ZNF512: variants seen among roughly 807,000 people sequenced by gnomAD.
ZNF512 encodes zinc finger protein 512.
In ZNF512, 25 loss-of-function variants were observed where a neutral mutation model predicts 77.5. The observed-to-expected ratio is 0.32, with a 90% CI of 0.23 to 0.45. The LOEUF (loss-of-function observed/expected upper bound fraction) is 0.45, where lower values mean the gene tolerates loss of function less well. Among genes scored for constraint, ZNF512 ranks in the 20% least tolerant of loss-of-function variants. The probability of loss-of-function intolerance (pLI) is 1.00; values close to 1 mark genes in which losing one functional copy is unlikely to be tolerated. For synonymous variants in ZNF512, 246 were observed against 239.9 expected (o/e 1.03, Z -0.24); for missense variants, 483 against 692.6 (o/e 0.70, Z 3.40).
chr2:27,596,416 G>A (rs114311469), intron 2 of ZNF512, among the ~76,000 whole-genome samples: 1,625 of 152,160 alleles, frequency 0.011, 16 homozygotes, highest in Non-Finnish European at 0.015. Context: ...TTTCTCTCTA[G>A]CATTCCTCCC....
chr2:27,584,853 G>A (rs184801197), intron 2 of ZNF512, among the ~76,000 whole-genome samples: 20 of 152,312 alleles, frequency 1.3e-4, no homozygotes, highest in Admixed American at 3.3e-4. Flanking sequence ...CTAGACCATG[G>A]AGGACCTGTT....
intron 10 of ZNF512, among the ~76,000 whole-genome samples, chr2:27,610,555 T>TAC: frequency 3.1e-5 from 1 of 31,864 alleles, no homozygotes; most frequent in Non-Finnish European, 7.3e-5. Flanking sequence ...TATATATATA[T>TAC]ATATATATAT....
At chr2:27,600,101 A>AT (rs1228819645) in intron 5 of ZNF512, 48 bp downstream of exon 5, 1 of 1,586,020 alleles carries the variant, frequency 6.3e-7, no homozygotes, top group Non-Finnish European at 8.6e-7. Context: ...TCACACTCTG[A>AT]TTTGTTGTTG....
intron 10 of ZNF512, among the ~76,000 whole-genome samples, chr2:27,608,884 G>T (rs1244338674): frequency 6.6e-6 from 1 of 152,048 alleles, no homozygotes; most frequent in Non-Finnish European, 1.5e-5. Context: ...GCTGAGGTGG[G>T]TGTATCATGA....
chr2:27,609,840 G>A (rs1672529250), intron 10 of ZNF512, among the ~76,000 whole-genome samples: 1 of 150,950 alleles, frequency 6.6e-6, no homozygotes, highest in African/African-American at 2.4e-5. Context: ...TTGCACTCCA[G>A]CCTGGGCAAC....
At chr2:27,609,131 A>T (rs985190777) in intron 10 of ZNF512, among the ~76,000 whole-genome samples, 24 of 151,198 alleles carry the variant, frequency 1.6e-4, no homozygotes, top group Non-Finnish European at 1.5e-5. Flanking sequence ...AAAGGAAAAG[A>T]AAAGAAAAGA....
At chr2:27,590,276 G>C (rs1287514387) in intron 2 of ZNF512, among the ~76,000 whole-genome samples, 2 of 152,146 alleles carry the variant, frequency 1.3e-5, no homozygotes, top group African/African-American at 4.8e-5. Context: ...CCTTCCCAAT[G>C]ATTTGACACT....
chr2:27,610,568 AT>A (rs767964486), intron 10 of ZNF512, among the ~76,000 whole-genome samples: 3 of 18,172 alleles, frequency 1.7e-4, no homozygotes, highest in South Asian at 3.2e-3. Flanking sequence ...ATATATATAT[AT>A]TTTTTTTTTT....
At chr2:27,617,418 C>G (rs1486910197) in intron 12 of ZNF512, 55 bp from the exon 13 acceptor site, 10 of 787,724 alleles carry the variant, frequency 1.3e-5, no homozygotes, top group Non-Finnish European at 4.7e-6. Flanking sequence ...ACACATAGCC[C>G]AGTTATGTTG....
intron 9 of ZNF512, among the ~76,000 whole-genome samples, chr2:27,603,573 A>AGTGT (rs11273312): frequency 1.5e-5 from 2 of 133,176 alleles, no homozygotes; most frequent in Non-Finnish European, 3.1e-5. Context: ...ATTTTTATAT[A>AGTGT]GTGTGTGTGT....
At chr2:27,600,994 TG>T (rs1672093395) in intron 6 of ZNF512, among the ~76,000 whole-genome samples, 179 bp downstream of exon 6, 1 of 152,248 alleles carries the variant, frequency 6.6e-6, no homozygotes, top group Non-Finnish European at 1.5e-5. Flanking sequence ...CATACTAGTG[TG>T]GCATTTAGCT....
chr2:27,583,537 C>T, intron 1 of ZNF512, 121 bp from the exon 2 acceptor site: 3 of 1,523,736 alleles, frequency 2.0e-6, no homozygotes, highest in East Asian at 4.9e-5. Context: ...GTGTTGCCTT[C>T]TTGTGTTTGA....
chr2:27,612,810 G>C (rs913113442), intron 10 of ZNF512, among the ~76,000 whole-genome samples: 1 of 152,022 alleles, frequency 6.6e-6, no homozygotes, highest in African/African-American at 2.4e-5. Flanking sequence ...AAGTTACTGA[G>C]GTTAGTTTTT....
At chr2:27,608,563 A>G (rs78677874) in intron 10 of ZNF512, among the ~76,000 whole-genome samples, 4 of 152,008 alleles carry the variant, frequency 2.6e-5, no homozygotes, top group African/African-American at 4.8e-5. Flanking sequence ...CCCCAAGCAT[A>G]CTTCTGAGGG....
intron 10 of ZNF512, among the ~76,000 whole-genome samples, chr2:27,609,855 G>T (rs1173316171): frequency 6.9e-6 from 1 of 145,480 alleles, no homozygotes; most frequent in Admixed American, 6.8e-5. Context: ...GGCAACAAGA[G>T]CAGAAATCTG....
chr2:27,583,323 C>A, intron 1 of ZNF512, 181 bp downstream of exon 1: 1 of 1,261,254 alleles, frequency 7.9e-7, no homozygotes, highest in Non-Finnish European at 1.1e-6. Flanking sequence ...TGTTCCCCAC[C>A]TCCTTGGATT....
intron 9 of ZNF512, among the ~76,000 whole-genome samples, chr2:27,606,159 G>A (rs979674702): frequency 3.3e-5 from 5 of 152,074 alleles, no homozygotes; most frequent in African/African-American, 1.2e-4. Context: ...TTCATTTTGA[G>A]GGGAAGATTT....
At chr2:27,600,916 G>C in intron 6 of ZNF512, 101 bp downstream of exon 6, 1 of 1,416,278 alleles carries the variant, frequency 7.1e-7, no homozygotes, top group East Asian at 2.5e-5. Context: ...ATGAAAAGCA[G>C]CATTGTATAA....
Position 27,593,570 on chromosome 2 carries a change from A to G in ZNF512, c.90-4497A>G, listed in dbSNP as rs72852140. Reference sequence around the variant, plus strand: ...AGAGAGGTCCAAGCTGCAGTGAGCCATGTGCCACTGCACTCTGGCCTGGAG... The same window carrying G: ...AGAGAGGTCCAAGCTGCAGTGAGCCGTGTGCCACTGCACTCTGGCCTGGAG... On this transcript the variant is annotated intron_variant, in intron 2 of 13. Transcript: ENST00000355467. Among the ~76,000 whole-genome samples, 1,336 of 152,280 alleles carry G rather than the reference A, an allele frequency of 8.8e-3. 22 individuals are homozygous for G. Among genetic ancestry groups the G allele is most frequent in the African/African-American group, 0.03 (1,255 of 41,546 alleles).
Sources: gnomAD v4.1 joint callset for allele counts (sites outside exome capture counted in the v4.1 genomes callset) on GRCh38, gnomAD v4.1.1 for gene constraint, MANE v1.5 for transcripts, NCBI Gene and HGNC (gene_info 2026-07-23, HGNC 2026-07-21) for gene names.